The following SND1 variants were observed in gnomAD, a reference collection of about 807,000 sequenced individuals.
SND1 encodes staphylococcal nuclease domain-containing protein 1.
Under a neutral mutation model 121.7 loss-of-function variants are expected in SND1, and 38 were observed. That is an observed-to-expected ratio of 0.31 (90% CI 0.24 to 0.41). The LOEUF (loss-of-function observed/expected upper bound fraction) is 0.41, where lower values mean the gene tolerates loss of function less well. SND1 is among the 10% of genes least tolerant of loss of function. The pLI is 1.00. For missense variants in SND1, 868 were observed against 1,184.6 expected (o/e 0.73, Z 3.92); for synonymous variants, 401 against 447.4 (o/e 0.90, Z 1.31).
chr7:127,794,010 T>C (rs1797964579), intron 10 of SND1, among the ~76,000 whole-genome samples: 1 of 152,218 alleles, frequency 6.6e-6, no homozygotes, highest in Non-Finnish European at 1.5e-5. Context: ...GTCTGTGCTG[T>C]TCATAGTTCT....
intron 4 of SND1, among the ~76,000 whole-genome samples, chr7:127,700,811 C>T (rs1339479713): frequency 6.6e-6 from 1 of 152,180 alleles, no homozygotes; most frequent in East Asian, 1.9e-4. Flanking sequence ...CCTGGGATTC[C>T]AGTTCCTGAA....
At chr7:127,941,088 G>A (rs73721262) in intron 15 of SND1, among the ~76,000 whole-genome samples, 2,101 of 152,302 alleles carry the variant, frequency 0.014, 60 homozygotes, top group African/African-American at 0.048. Context: ...ACAGAAGTTC[G>A]TTTCATGTTT....
intron 14 of SND1, among the ~76,000 whole-genome samples, chr7:127,925,646 C>G (rs893205563): frequency 3.3e-5 from 5 of 150,808 alleles, no homozygotes; most frequent in Admixed American, 3.3e-4. Context: ...CTTTTGTCAC[C>G]CAGGCTTGAG....
intron 10 of SND1, among the ~76,000 whole-genome samples, chr7:127,734,179 G>A (rs147405623): frequency 1.7e-3 from 264 of 152,080 alleles, no homozygotes; most frequent in African/African-American, 6.0e-3. Flanking sequence ...GAGATTCCCC[G>A]CTCCAGGTCT....
intron 1 of SND1, among the ~76,000 whole-genome samples, chr7:127,668,229 G>C (rs1197805713): frequency 6.6e-6 from 1 of 152,214 alleles, no homozygotes; most frequent in Non-Finnish European, 1.5e-5. Flanking sequence ...TAAAGTCTGA[G>C]AAGTGCTGTC....
chr7:127,877,787 A>G (rs1470578303), intron 12 of SND1, among the ~76,000 whole-genome samples: 1 of 151,904 alleles, frequency 6.6e-6, no homozygotes, highest in East Asian at 1.9e-4. Flanking sequence ...TTTCTTCCCA[A>G]ACTGAAGGGA....
intron 11 of SND1, among the ~76,000 whole-genome samples, chr7:127,830,265 C>G (rs1031197499): frequency 2.0e-5 from 3 of 151,918 alleles, no homozygotes; most frequent in African/African-American, 7.3e-5. Flanking sequence ...CGCCTGTAGT[C>G]CCAGCTACTC....
At chr7:128,089,206 C>A (rs760781747) in intron 21 of SND1, among the ~76,000 whole-genome samples, 14 of 152,086 alleles carry the variant, frequency 9.2e-5, no homozygotes, top group Admixed American at 3.9e-4. Flanking sequence ...AGGCATGCAC[C>A]CCATGCCCAG....
chr7:127,704,708 C>A, intron 7 of SND1, 131 bp from the exon 8 acceptor site: 1 of 752,144 alleles, frequency 1.3e-6, no homozygotes. Flanking sequence ...AGCTACTCTA[C>A]TGTAAACAAA....
At chr7:127,725,859 G>A (rs1796573229) in intron 10 of SND1, among the ~76,000 whole-genome samples, 1 of 152,142 alleles carries the variant, frequency 6.6e-6, no homozygotes, top group East Asian at 1.9e-4. Context: ...AGACATTCCT[G>A]TTCTAGGGCG....
At chr7:127,677,179 T>A (rs1795631568) in intron 1 of SND1, among the ~76,000 whole-genome samples, 1 of 152,272 alleles carries the variant, frequency 6.6e-6, no homozygotes, top group South Asian at 2.1e-4. Flanking sequence ...GTCCTTGTGC[T>A]GGGCTCTGTG....
chr7:127,903,285 A>T (rs1285415954), intron 13 of SND1, among the ~76,000 whole-genome samples: 1 of 151,986 alleles, frequency 6.6e-6, no homozygotes, highest in African/African-American at 2.4e-5. Context: ...TGGCTTCCCA[A>T]AGTACTGGGA....
At chr7:127,994,872 C>T (rs945902033) in intron 16 of SND1, among the ~76,000 whole-genome samples, 4 of 151,858 alleles carry the variant, frequency 2.6e-5, no homozygotes, top group Admixed American at 1.3e-4. Context: ...CCACCATGCT[C>T]GGCTAATTTT....
chr7:127,831,396 AGT>A (rs1798736037), intron 11 of SND1, among the ~76,000 whole-genome samples: 1 of 152,260 alleles, frequency 6.6e-6, no homozygotes, highest in African/African-American at 2.4e-5. Flanking sequence ...TTAGATTGTC[AGT>A]GATCAGCATG....
At chr7:127,859,660 C>T (rs1415972772) in intron 12 of SND1, among the ~76,000 whole-genome samples, 2 of 152,158 alleles carry the variant, frequency 1.3e-5, no homozygotes, top group East Asian at 3.8e-4. Context: ...ATAGACTCAC[C>T]TGGAGCACTT....
chr7:128,091,484 A>G (rs1793779040), intron 22 of SND1, among the ~76,000 whole-genome samples: 1 of 151,930 alleles, frequency 6.6e-6, no homozygotes, highest in Non-Finnish European at 1.5e-5. Context: ...TGCAGCAATT[A>G]TAGGCATGAG....
At chr7:127,975,608 C>T (rs1802101138) in intron 15 of SND1, among the ~76,000 whole-genome samples, 1 of 152,092 alleles carries the variant, frequency 6.6e-6, no homozygotes, top group African/African-American at 2.4e-5. Context: ...GAACAAGGAA[C>T]CAAAGTGAGT....
At chr7:127,948,531 A>C (rs565353454) in intron 15 of SND1, among the ~76,000 whole-genome samples, 48 of 152,144 alleles carry the variant, frequency 3.2e-4, no homozygotes, top group Non-Finnish European at 6.3e-4. Flanking sequence ...TCAGATAAAC[A>C]CTCTAATTGG....
chr7:127,781,528 A>G (rs1389000349), intron 10 of SND1, among the ~76,000 whole-genome samples: 1 of 152,210 alleles, frequency 6.6e-6, no homozygotes. Flanking sequence ...CAGAGACAAT[A>G]GCAGTGCTTT....
Sources: allele counts gnomAD v4.1 joint callset (sites outside exome capture counted in the v4.1 genomes callset), GRCh38; gene constraint gnomAD v4.1.1; transcripts MANE v1.5; gene names NCBI Gene and HGNC (gene_info 2026-07-23, HGNC 2026-07-21).